TSC22D3: variants seen among roughly 807,000 people sequenced by gnomAD.
TSC22D3 encodes the protein TSC22 domain family protein 3.
In TSC22D3, 4 loss-of-function variants were observed where a neutral mutation model predicts 11.1. That is an observed-to-expected ratio of 0.36 (90% CI 0.18 to 0.83). The LOEUF (loss-of-function observed/expected upper bound fraction) is 0.83. Among genes scored for constraint, TSC22D3 ranks in the 40% least tolerant of loss-of-function variants. The pLI, the probability that TSC22D3 is intolerant of heterozygous loss-of-function variation, is 0.48. For synonymous variants in TSC22D3, 77 were observed against 70.3 expected (o/e 1.10, Z -0.48); for missense variants, 118 against 159.4 (o/e 0.74, Z 1.40).
chrX:107,759,157 T>C (rs1929315933), intron 1 of TSC22D3, among the ~76,000 whole-genome samples: 1 of 111,629 alleles, frequency 9.0e-6, no homozygotes, highest in African/African-American at 3.3e-5. Context: ...TGAGCCACTG[T>C]GCCCGGCCCA....
intron 1 of TSC22D3, among the ~76,000 whole-genome samples, chrX:107,762,516 C>T (rs1228520210): frequency 8.9e-6 from 1 of 111,926 alleles, no homozygotes; most frequent in African/African-American, 3.3e-5. Context: ...GTCCTGACCC[C>T]TTTGCTTTCC....
chrX:107,759,187 G>A (rs1929318325), intron 1 of TSC22D3, among the ~76,000 whole-genome samples: 1 of 111,117 alleles, frequency 9.0e-6, no homozygotes, highest in African/African-American at 3.3e-5. Context: ...TTTGAAAATC[G>A]ACCTCAATGT....
intron 1 of TSC22D3, among the ~76,000 whole-genome samples, chrX:107,765,416 C>T (rs1453259639): frequency 8.9e-6 from 1 of 112,222 alleles, no homozygotes; most frequent in Non-Finnish European, 1.9e-5. Flanking sequence ...CTGCTATACC[C>T]TCAGCTCCTC....
At chrX:107,722,001 C>T (rs1341827551) in intron 1 of TSC22D3, 2 of 380,090 alleles carry the variant, frequency 5.3e-6, no homozygotes, top group Non-Finnish European at 9.5e-6. Flanking sequence ...GCCACTGCCA[C>T]TTACATAGTT....
intron 1 of TSC22D3, chrX:107,721,895 G>A (rs751551030): frequency 1.2e-5 from 6 of 515,455 alleles, no homozygotes; most frequent in East Asian, 1.1e-4. Context: ...GGAATAAGGA[G>A]GCTGAAATGC....
chrX:107,738,995 G>A (rs1928270471), intron 1 of TSC22D3, among the ~76,000 whole-genome samples: 1 of 113,127 alleles, frequency 8.8e-6, no homozygotes, highest in East Asian at 2.8e-4. Context: ...TTGTGGTCTT[G>A]GCACTGCCCG....
chrX:107,721,441 G>A (rs1213317748), intron 1 of TSC22D3, among the ~76,000 whole-genome samples: 1 of 112,125 alleles, frequency 8.9e-6, no homozygotes, highest in African/African-American at 3.2e-5. Flanking sequence ...CCCTGATGGC[G>A]TTGGACAGCA....
chrX:107,774,988 C>T, intron 1 of TSC22D3, 112 bp downstream of exon 1: 1 of 906,190 alleles, frequency 1.1e-6, no homozygotes, highest in Non-Finnish European at 1.5e-6. Flanking sequence ...TGAGTCAGAC[C>T]TCCCCAGTAC....
At chrX:107,770,346 G>A (rs1929853584) in intron 1 of TSC22D3, among the ~76,000 whole-genome samples, 1 of 110,379 alleles carries the variant, frequency 9.1e-6, no homozygotes, top group South Asian at 3.8e-4. Context: ...CCAGGTCCAG[G>A]AATATACATT....
intron 1 of TSC22D3, chrX:107,716,890 T>A: frequency 8.5e-7 from 1 of 1,182,296 alleles, no homozygotes; most frequent in Non-Finnish European, 1.1e-6. Context: ...GCTGGCAGGC[T>A]GCGCTGGGCT....
intron 1 of TSC22D3, among the ~76,000 whole-genome samples, chrX:107,739,815 T>C (rs140847930): frequency 0.016 from 1,805 of 112,244 alleles, 35 homozygotes; most frequent in African/African-American, 0.055. Context: ...TGGACACACA[T>C]AATTACTGAA....
intron 1 of TSC22D3, among the ~76,000 whole-genome samples, chrX:107,726,703 A>G (rs1042817271): frequency 9.0e-6 from 1 of 111,214 alleles, no homozygotes; most frequent in African/African-American, 3.3e-5. Flanking sequence ...AAGCAAAGAC[A>G]GAAGTGCCCA....
intron 1 of TSC22D3, among the ~76,000 whole-genome samples, chrX:107,754,025 C>A (rs895858070): frequency 1.8e-5 from 2 of 110,211 alleles, no homozygotes; most frequent in Non-Finnish European, 3.8e-5. Flanking sequence ...AAGTGATTCT[C>A]CTGTCTCAGC....
chrX:107,730,085 C>T (rs746431734), intron 1 of TSC22D3, among the ~76,000 whole-genome samples: 6 of 112,404 alleles, frequency 5.3e-5, no homozygotes, highest in Admixed American at 1.9e-4. Flanking sequence ...GTGGGCACTG[C>T]GCTAAAGACA....
intron 1 of TSC22D3, among the ~76,000 whole-genome samples, chrX:107,773,734 G>T (rs1203671701): frequency 8.9e-6 from 1 of 111,837 alleles, no homozygotes; most frequent in Non-Finnish European, 1.9e-5. Flanking sequence ...AACGAGGTTA[G>T]CGGCCCTGCT....
At chrX:107,749,314 G>T (rs755679306) in intron 1 of TSC22D3, among the ~76,000 whole-genome samples, 1 of 110,934 alleles carries the variant, frequency 9.0e-6, no homozygotes, top group East Asian at 2.8e-4. Flanking sequence ...GGCAGATGTT[G>T]CAGTAAGCTG....
intron 1 of TSC22D3, chrX:107,716,907 T>A: frequency 1.7e-6 from 2 of 1,160,023 alleles, no homozygotes; most frequent in Non-Finnish European, 2.3e-6. Flanking sequence ...GGCTGGGCTC[T>A]GCGCTGGAGT....
intron 1 of TSC22D3, among the ~76,000 whole-genome samples, chrX:107,747,007 A>C (rs1204407489): frequency 8.9e-6 from 1 of 112,991 alleles, no homozygotes; most frequent in African/African-American, 3.2e-5. Context: ...GACTGCCAAA[A>C]GCTTCTAAGA....
At chrX:107,727,575 G>A (rs976884522) in intron 1 of TSC22D3, among the ~76,000 whole-genome samples, 1 of 110,889 alleles carries the variant, frequency 9.0e-6, no homozygotes, top group Non-Finnish European at 1.9e-5. Flanking sequence ...TGGACACCCT[G>A]TAGGTAGCAT....
Sources: gnomAD v4.1 joint callset for allele counts (sites outside exome capture counted in the v4.1 genomes callset) on GRCh38, gnomAD v4.1.1 for gene constraint, MANE v1.5 for transcripts, NCBI Gene and HGNC (gene_info 2026-07-23, HGNC 2026-07-21) for gene names.